Variants in RDH5 observed in about 807,000 individuals in gnomAD.
The protein encoded by RDH5 is 11-cis RDH.
Under a neutral mutation model 24.0 loss-of-function variants are expected in RDH5, and 25 were observed. The observed-to-expected ratio is 1.04, with a 90% CI of 0.76 to 1.46. RDH5 has a LOEUF of 1.46. RDH5 is among the 40% of genes most tolerant of loss of function. The probability of loss-of-function intolerance (pLI) is 0.00; values close to 1 mark genes in which losing one functional copy is unlikely to be tolerated. For missense variants in RDH5, 369 were observed against 410.3 expected, an observed-to-expected ratio of 0.90 and a Z score of 0.87; for synonymous variants, 170 against 175.2, an observed-to-expected ratio of 0.97 and a Z score of 0.23.
intron 4 of RDH5, 65 bp from the exon 5 acceptor site, chr12:55,724,257 G>A (rs2096169539): frequency 3.2e-6 from 5 of 1,584,884 alleles, no homozygotes; most frequent in Non-Finnish European, 4.3e-6. Flanking sequence ...GGCCCCAGAA[G>A]ACAGTACCTA....
At chr12:55,724,268 A>T in intron 4 of RDH5, 54 bp from the exon 5 acceptor site, 1 of 1,598,366 alleles carries the variant, frequency 6.3e-7, no homozygotes, top group Non-Finnish European at 8.6e-7. Context: ...ACAGTACCTA[A>T]GATGGGCTGG....
At position 55,722,543 on chromosome 12, in the gene RDH5, G is replaced by T. The variant is rs60612051; in HGVS notation, c.569+596G>T. 177 of 136,544 alleles carry T rather than the reference G, an allele frequency of 1.3e-3. 1 individual carries two copies. Among genetic ancestry groups the T allele is most frequent in the Non-Finnish European group, 2.2e-3 (139 of 62,024 alleles). The allele number at this position is 136,544 out of a possible 1,614,324, so 8.5% of individuals were successfully genotyped here. A position where few individuals can be genotyped will look rare whatever the true frequency, so the allele number is the denominator to read the frequency against. ...GGGAGTAGGGCCTGAGTTTTTTTTTGTTTTTTTTTTTTTAAGCGTTTTGCT... is the reference window on the plus strand; with the variant it reads ...GGGAGTAGGGCCTGAGTTTTTTTTTTTTTTTTTTTTTTTAAGCGTTTTGCT... On this transcript the variant is annotated intron_variant, in intron 3 of 4. Transcript: ENST00000257895.
intron 3 of RDH5, chr12:55,722,826 C>A (rs1040114335): frequency 1.3e-5 from 2 of 152,224 alleles, no homozygotes; most frequent in African/African-American, 2.4e-5. Flanking sequence ...GCATGAGCCA[C>A]CACACACGGC....
Position 55,721,535 on chromosome 12 carries a change from C to T in RDH5, c.310+41C>T. On this transcript the variant is annotated intron_variant, in intron 2 of 4. Transcript: ENST00000257895. The surrounding 1 kb of genome is among the most constrained non-coding windows in gnomAD (Gnocchi z 4.7). ...CACCAGGAATATGGTGTGGGGTGTC[C>T]TGATCCCCACAGTCACCCCAGGAGT... The T allele has an allele frequency of 1.3e-6, 2 of 1,594,608 alleles. No homozygotes were observed. Among genetic ancestry groups the T allele is most frequent in the South Asian group, 2.2e-5 (2 of 90,828 alleles).
chr12:55,723,806 T>G, intron 3 of RDH5, 80 bp from the exon 4 acceptor site: 3 of 1,546,614 alleles, frequency 1.9e-6, no homozygotes, highest in Non-Finnish European at 2.7e-6. Context: ...GGTAACTTTC[T>G]CAGCTCCCCA....
In RDH5 at chr12:55,724,395, G is replaced by T. The variant is rs775260841; in HGVS notation, c.807G>T (p.Glu269Asp). The T allele has an allele frequency of 5.0e-6, 8 of 1,614,078 alleles. No homozygotes were observed. In the African/African-American group the frequency reaches 9.3e-5, roughly 19 times the overall value. Residue 269 changes from glutamate to aspartate, a missense_variant, in exon 5 of 5, where the codon GAG becomes GAT. Coordinates refer to ENST00000257895, the MANE Select transcript of RDH5 (RefSeq NM_002905.5). ...PDLTKVSRCL[E>D]HALTARHPRT... ...TAACCAAGGTGAGCCGATGCCTGGA[G>T]CATGCCCTGACTGCTCGACACCCCC...
Position 55,721,056 on chromosome 12 carries a change from C to A in RDH5, c.-32-97C>A. ...ATTATCTGCCAACCAGATAATTTCT[C>A]AATATGCTCACACCAGATGCTTCCA... is the stretch of plus-strand genomic sequence containing the variant. On this transcript the variant is annotated intron_variant, in intron 1 of 4. Transcript: ENST00000257895. The surrounding 1 kb of genome is among the most constrained non-coding windows in gnomAD (Gnocchi z 4.7). The A allele has an allele frequency of 2.4e-6, 2 of 824,424 alleles. No individual in the cohort carries two copies. Among genetic ancestry groups the A allele is most frequent in the East Asian group, 2.5e-5 (1 of 39,488 alleles). 51.1% of individuals were successfully genotyped at this position (824,424 alleles called of 1,614,324 possible).
At position 55,721,867 on chromosome 12, in the gene RDH5, C is replaced by T. The variant is rs754237316; in HGVS notation, c.489C>T (p.Ser163=). The T allele has an allele frequency of 8.7e-6, 14 of 1,613,894 alleles. No homozygotes were observed. Among genetic ancestry groups the T allele is most frequent in the South Asian group, 5.5e-5 (5 of 91,058 alleles). The part of the protein sequence containing the change: ...QARGRVINIT[S]VLGRLAANGG... The stretch of plus-strand genomic sequence containing the variant: ...GGGGCCGGGTGATCAACATCACCAG[C>T]GTCCTGGGTCGCCTGGCAGCCAATG... The change falls in exon 3 of 5, where the codon AGC becomes AGT. Residue 163 remains serine (S), a synonymous_variant. Transcript: ENST00000257895. The surrounding 1 kb of genome is among the most constrained non-coding windows in gnomAD (Gnocchi z 4.7).
At position 55,723,880 on chromosome 12, in the gene RDH5, C is replaced by G; in HGVS notation, c.570-6C>G. On this transcript the variant is annotated splice_polypyrimidine_tract_variant and splice_region_variant and intron_variant, in intron 3 of 4. Transcript: ENST00000257895. ...ACCCAGCAACTTCGCTCTGCCCCGA[C>G]TCTAGGCGGGATGTAGCTCATTTTG... 1 of 1,613,536 alleles carries G rather than the reference C, an allele frequency of 6.2e-7. No homozygotes were observed. Among genetic ancestry groups the G allele is most frequent in the South Asian group, 1.1e-5 (1 of 91,080 alleles).
chr12:55,721,605 A>AG lies in RDH5; in HGVS notation c.311-83dup. 1 of 1,597,122 alleles carries AG rather than the reference A, an allele frequency of 6.3e-7. No homozygotes were observed. On this transcript the variant is annotated intron_variant, in intron 2 of 4. Transcript: ENST00000257895. This position sits in a 1 kb window ranked among gnomAD's most constrained non-coding sequence, Gnocchi z 4.7. The stretch of plus-strand genomic sequence containing the variant: ...AAGCTAAAGGGACAATTTGAGGAGA[A>AG]GCAGTTTTCAGATGCTCCCAGGAAG...
chr12:55,722,096 T>TTATG, intron 3 of RDH5, 149 bp downstream of exon 3: 1 of 738,592 alleles, frequency 1.4e-6, no homozygotes, highest in Non-Finnish European at 2.2e-6. Flanking sequence ...AAGTCTACCC[T>TTATG]TATGTAAGCT....
chr12:55,724,238 C>A, intron 4 of RDH5, 84 bp from the exon 5 acceptor site: 3 of 1,534,944 alleles, frequency 2.0e-6, no homozygotes, highest in Non-Finnish European at 2.7e-6. Flanking sequence ...CTGAGGGTGA[C>A]AAGCCCAGGG....
At chr12:55,723,531 T>C (rs1190368125) in intron 3 of RDH5, 5 of 316,788 alleles carry the variant, frequency 1.6e-5, no homozygotes, top group Non-Finnish European at 2.5e-5. Flanking sequence ...TCTGGCCAGC[T>C]GCCTACAAGC....
At position 55,721,239 on chromosome 12, in the gene RDH5, A is replaced by C. The variant is rs564727158; in HGVS notation, c.55A>C (p.Arg19=). The change falls in exon 2 of 5, where the codon AGG becomes CGG. Residue 19 remains arginine (R), a synonymous_variant. Coordinates refer to ENST00000257895, the MANE Select transcript of RDH5 (RefSeq NM_002905.5). The surrounding 1 kb of genome is among the most constrained non-coding windows in gnomAD (Gnocchi z 4.7). The part of the protein sequence containing the change: ...ALLWAVLWLL[R]DRQSLPASNA... ...ACTCTGGGCAGTGCTGTGGTTGCTC[A>C]GGGACCGGCAGAGCCTGCCCGCCAG... 1 of 1,614,028 alleles carries C rather than the reference A, an allele frequency of 6.2e-7. No homozygotes were observed. Among genetic ancestry groups the C allele is most frequent in the South Asian group, 1.1e-5 (1 of 91,088 alleles).
Position 55,722,245 on chromosome 12 carries a change from G to A in RDH5, c.569+298G>A, listed in dbSNP as rs551401477. 1.9e-5 allele frequency: 6 copies of A among 312,440 alleles called. No homozygotes were observed. The East Asian group carries it at 4.2e-4, about 22-fold the overall frequency. The allele number at this position is 312,440 out of a possible 1,614,324, so 19.4% of individuals were successfully genotyped here. A position where few individuals can be genotyped will look rare whatever the true frequency, so the allele number is the denominator to read the frequency against. On this transcript the variant is annotated intron_variant, in intron 3 of 4. Transcript: ENST00000257895. ...GCTCACCACAATTTCCACCCCCGGG[G>A]TTCAAGCGATTCTCCTGCCTCAGCC...
chr12:55,721,280 C>T lies in RDH5; in HGVS notation c.96C>T (p.Phe32=). The change falls in exon 2 of 5, where the codon TTC becomes TTT. Residue 32 remains phenylalanine, a synonymous_variant. Coordinates refer to ENST00000257895, the MANE Select transcript of RDH5 (RefSeq NM_002905.5). This position sits in a 1 kb window ranked among gnomAD's most constrained non-coding sequence, Gnocchi z 4.7. ...TGCCCGCCAGCAATGCCTTTGTCTT[C>T]ATCACCGGCTGTGACTCAGGCTTTG... ...QSLPASNAFV[F]ITGCDSGFGR... 6.2e-7 allele frequency: 1 copy of T among 1,614,118 alleles called. No individual in the cohort carries two copies. The highest frequency in any genetic ancestry group is 8.5e-7 in the Non-Finnish European group (1 of 1,180,032).
At position 55,724,026 on chromosome 12, in the gene RDH5, A is replaced by G. The variant is rs774648195; in HGVS notation, c.710A>G (p.Tyr237Cys). 6.2e-6 allele frequency: 10 copies of G among 1,611,810 alleles called. No homozygotes were observed. In the East Asian group the frequency reaches 1.3e-4, roughly 22 times the overall value. ...ARLPPATQAH[Y>C]GGAFLTKYLK... ...CTGCCTCCTGCCACACAGGCCCACTATGGGGGGGCCTTCCTCACCAAGTGT... is the reference window on the plus strand; with the variant it reads ...CTGCCTCCTGCCACACAGGCCCACTGTGGGGGGGCCTTCCTCACCAAGTGT... The change falls in exon 4 of 5, where the codon TAT becomes TGT. Residue 237 changes from tyrosine to cysteine, a missense_variant. Transcript: ENST00000257895.
At position 55,724,582 on chromosome 12, in the gene RDH5, A is replaced by G. The variant is rs779924614; in HGVS notation, c.*37A>G. 3.8e-6 allele frequency: 6 copies of G among 1,583,050 alleles called. No individual in the cohort carries two copies. In the South Asian group the frequency reaches 5.5e-5, roughly 15 times the overall value. On this transcript the variant is annotated 3_prime_UTR_variant, in exon 5 of 5. Transcript: ENST00000257895. ...CAGCAAGAGATTGTTTTTCAAGGAC[A>G]AGGACTTTGATTTATTTCTGCCCCC...
rs1215272232 is a variant in RDH5, at chr12:55,721,720, G to A, written c.342G>A (p.Val114=). ...TTGGTCTGGTGAATAATGCTGGTGT[G>A]GCTGGTATCATCGGACCCACACCAT... ...GLFGLVNNAG[V]AGIIGPTPWL... The change falls in exon 3 of 5, where the codon GTG becomes GTA. Residue 114 remains valine (V), a synonymous_variant. Coordinates refer to ENST00000257895, the MANE Select transcript of RDH5 (RefSeq NM_002905.5). This position sits in a 1 kb window ranked among gnomAD's most constrained non-coding sequence, Gnocchi z 4.7. 1 of 1,613,044 alleles carries A rather than the reference G, an allele frequency of 6.2e-7. No homozygotes were observed. The highest frequency in any genetic ancestry group is 1.1e-5 in the South Asian group (1 of 91,092).
Sources: allele counts gnomAD v4.1 joint callset, GRCh38; gene constraint gnomAD v4.1.1; non-coding constraint Gnocchi (gnomAD v3.1); transcripts MANE v1.5; gene names NCBI Gene and HGNC (gene_info 2026-07-23, HGNC 2026-07-21).